Variants in MACROH2A1 observed in about 807,000 individuals in gnomAD.
MACROH2A1 encodes core histone macro-H2A.1.
In MACROH2A1, 2 loss-of-function variants were observed where a neutral mutation model predicts 31.6. The ratio of observed to expected loss-of-function variants is 0.06; its 90% CI spans 0.03 to 0.20. The LOEUF is 0.20. Ranked by LOEUF, MACROH2A1 falls within the 10% of genes least tolerant of loss-of-function variation. The pLI, the probability that MACROH2A1 is intolerant of heterozygous loss-of-function variation, is 1.00. For synonymous variants in MACROH2A1, 169 were observed against 189.6 expected (o/e 0.89, Z 0.89); for missense variants, 230 against 474.0 (o/e 0.49, Z 4.78).
chr5:135,369,391 G>A lies in MACROH2A1; in HGVS notation c.477+15C>T. The A allele has an allele frequency of 6.2e-7, 1 of 1,607,102 alleles. No homozygotes were observed. Among genetic ancestry groups the A allele is most frequent in the Middle Eastern group, 1.7e-4 (1 of 6,052 alleles). ...CATCCTATCCCACTTCATACATTCT[G>A]GCCAAATCACATACCTTGGATTTCC... On this transcript the variant is annotated intron_variant, in intron 4 of 8. Coordinates refer to ENST00000511689, the MANE Select transcript of MACROH2A1 (RefSeq NM_138610.3). The surrounding 1 kb of genome is among the most constrained non-coding windows in gnomAD (Gnocchi z 4.3).
chr5:135,394,289 T>A (rs1767657720), intron 1 of MACROH2A1, among the ~76,000 whole-genome samples: 2 of 152,226 alleles, frequency 1.3e-5, no homozygotes, highest in Admixed American at 6.5e-5. Context: ...TCCTGCCTAC[T>A]GGTCCCAATA....
rs144091904 is a variant in MACROH2A1, at chr5:135,398,220, T to C, written c.-34+842A>G. On this transcript the variant is annotated intron_variant, in intron 1 of 8. Coordinates refer to ENST00000511689, the MANE Select transcript of MACROH2A1 (RefSeq NM_138610.3). The surrounding 1 kb of genome is among the most constrained non-coding windows in gnomAD (Gnocchi z 4.6). The stretch of plus-strand genomic sequence containing the variant: ...GCAGGAGTGGGGGTAGGGAGCGCCA[T>C]GTCGCACACCTGTTGTCAGGTGACA... Among the ~76,000 whole-genome samples the C allele has an allele frequency of 0.011, 1,664 of 152,168 alleles. 37 individuals are homozygous for C. The highest frequency in any genetic ancestry group is 0.038 in the African/African-American group (1,589 of 41,508).
At chr5:135,381,306 G>A (rs528345591) in intron 2 of MACROH2A1, among the ~76,000 whole-genome samples, 5 of 152,080 alleles carry the variant, frequency 3.3e-5, no homozygotes, top group African/African-American at 1.2e-4. Flanking sequence ...TTTGGAAGGA[G>A]GTAGGCTTTC....
chr5:135,398,732 C>T lies in MACROH2A1; in HGVS notation c.-34+330G>A, dbSNP rs1768411941. ...CGGCCTCGGGCCTGGCCCGTGAGCC[C>T]GCCCCAGGAAGGGTCGCCAGGGTAG... On this transcript the variant is annotated intron_variant, in intron 1 of 8. Transcript: ENST00000511689. The surrounding 1 kb of genome is among the most constrained non-coding windows in gnomAD (Gnocchi z 4.6). 6.6e-6 allele frequency among the ~76,000 whole-genome samples: 1 copy of T among 152,330 alleles called. No homozygotes were observed. The highest frequency in any genetic ancestry group is 1.9e-4 in the East Asian group (1 of 5,154).
chr5:135,334,806 T>G lies in MACROH2A1; in HGVS notation c.*170A>C. The G allele has an allele frequency of 1.7e-6, 1 of 605,572 alleles. No homozygotes were observed. The allele number at this position is 605,572 out of a possible 1,614,324, so 37.5% of individuals were successfully genotyped here. On this transcript the variant is annotated 3_prime_UTR_variant, in exon 9 of 9. Transcript: ENST00000511689. ...AACTATCAGTGCTAACATAAAAACA[T>G]TTTAGAAGGTCAAAAACAATTAAAC...
At chr5:135,367,590 A>G (rs1561622996) in intron 4 of MACROH2A1, among the ~76,000 whole-genome samples, 2 of 152,246 alleles carry the variant, frequency 1.3e-5, no homozygotes, top group Non-Finnish European at 2.9e-5. Context: ...AGTAACAGGA[A>G]CAAGATTCAG....
chr5:135,350,967 A>G, intron 6 of MACROH2A1: 1 of 1,208,032 alleles, frequency 8.3e-7, no homozygotes, highest in Non-Finnish European at 1.2e-6. Flanking sequence ...ACCCACGCAC[A>G]GGCACATTTA....
At chr5:135,377,146 C>T (rs1182617823) in intron 2 of MACROH2A1, among the ~76,000 whole-genome samples, 2 of 152,194 alleles carry the variant, frequency 1.3e-5, no homozygotes, top group Non-Finnish European at 2.9e-5. Flanking sequence ...TGTCTGACCA[C>T]AGCAGAGCGT....
At chr5:135,394,547 T>A (rs895235136) in intron 1 of MACROH2A1, among the ~76,000 whole-genome samples, 1 of 152,150 alleles carries the variant, frequency 6.6e-6, no homozygotes, top group East Asian at 1.9e-4. Context: ...TAAAAGTGCC[T>A]CACAATCTCC....
chr5:135,339,547 C>T (rs1354942382), intron 8 of MACROH2A1, among the ~76,000 whole-genome samples: 1 of 152,168 alleles, frequency 6.6e-6, no homozygotes, highest in African/African-American at 2.4e-5. Context: ...TTTTCTGGAG[C>T]AGACAGATTG....
At chr5:135,388,731 G>C (rs1160743106) in intron 2 of MACROH2A1, among the ~76,000 whole-genome samples, 191 bp downstream of exon 2, 2 of 152,180 alleles carry the variant, frequency 1.3e-5, no homozygotes, top group African/African-American at 4.8e-5. Flanking sequence ...ACAATGAGGG[G>C]AGATAAGGCA....
intron 1 of MACROH2A1, among the ~76,000 whole-genome samples, chr5:135,393,034 G>A (rs1310253436): frequency 6.6e-6 from 1 of 152,170 alleles, no homozygotes; most frequent in Non-Finnish European, 1.5e-5. Context: ...GGACATTTGC[G>A]CTGAAGACAT....
At chr5:135,339,545 A>G (rs1759414038) in intron 8 of MACROH2A1, among the ~76,000 whole-genome samples, 1 of 152,126 alleles carries the variant, frequency 6.6e-6, no homozygotes, top group Non-Finnish European at 1.5e-5. Flanking sequence ...ATTTTTCTGG[A>G]GCAGACAGAT....
chr5:135,353,892 G>A (rs1377887167), intron 5 of MACROH2A1: 3 of 152,210 alleles, frequency 2.0e-5, no homozygotes, highest in Non-Finnish European at 4.4e-5. Flanking sequence ...TACTGAGTTC[G>A]AAATTCTGTC....
intron 7 of MACROH2A1, chr5:135,344,756 A>C (rs1291828187): frequency 6.6e-6 from 1 of 152,262 alleles, no homozygotes; most frequent in Non-Finnish European, 1.5e-5. Flanking sequence ...AGCCCTTAAA[A>C]TCAAGAACAA....
chr5:135,358,581 T>C (rs1247566408), intron 5 of MACROH2A1: 1 of 985,282 alleles, frequency 1.0e-6, no homozygotes, highest in African/African-American at 1.7e-5. Flanking sequence ...CATTTTATAC[T>C]GGGTGGCAGC....
intron 2 of MACROH2A1, among the ~76,000 whole-genome samples, chr5:135,381,228 A>G (rs2149910671): frequency 6.6e-6 from 1 of 152,366 alleles, no homozygotes; most frequent in African/African-American, 2.4e-5. Context: ...AATTCCAAAT[A>G]GGTCAAAGTA....
chr5:135,369,612 A>G lies in MACROH2A1; in HGVS notation c.280-9T>C, dbSNP rs1270032642. 5.0e-6 allele frequency: 8 copies of G among 1,609,900 alleles called. No individual in the cohort carries two copies. In the African/African-American group the frequency reaches 9.4e-5, roughly 19 times the overall value. On this transcript the variant is annotated splice_polypyrimidine_tract_variant and intron_variant, in intron 3 of 8. Transcript: ENST00000511689. The surrounding 1 kb of genome is among the most constrained non-coding windows in gnomAD (Gnocchi z 4.3). ...GTGACTCCTTTTAGCAGCTTTCAGG[A>G]AAACCAGAATAGCAGATAGTGAGCC...
At position 135,343,181 on chromosome 5, in the gene MACROH2A1, T is replaced by C. The variant is rs773818672; in HGVS notation, c.953+79A>G. On this transcript the variant is annotated intron_variant, in intron 8 of 8. Transcript: ENST00000511689. ...CAGCCTCCGTGGGCCTTGCACAGAG[T>C]GAGAGCACCACAATTATGGGCCATG... 25 of 1,603,534 alleles carry C rather than the reference T, an allele frequency of 1.6e-5. No homozygotes were observed. In the Admixed American group the frequency reaches 3.8e-4, roughly 25 times the overall value.
Sources: allele counts gnomAD v4.1 joint callset (sites outside exome capture counted in the v4.1 genomes callset), GRCh38; gene constraint gnomAD v4.1.1; non-coding constraint Gnocchi (gnomAD v3.1); transcripts MANE v1.5; gene names NCBI Gene and HGNC (gene_info 2026-07-23, HGNC 2026-07-21).